Variants in ARID2 observed in about 807,000 individuals in gnomAD.
ARID2 encodes the protein AT-rich interactive domain-containing protein 2.
A neutral mutation model predicts 184.6 loss-of-function variants in ARID2; 32 were observed. The ratio of observed to expected loss-of-function variants is 0.17; its 90% CI spans 0.13 to 0.23. The LOEUF (loss-of-function observed/expected upper bound fraction) is 0.23. ARID2 is among the 10% of genes least tolerant of loss of function. The pLI, the probability that ARID2 is intolerant of heterozygous loss-of-function variation, is 1.00. For missense variants in ARID2, 1,696 were observed against 2,197.6 expected (o/e 0.77, Z 4.56); for synonymous variants, 836 against 772.6 (o/e 1.08, Z -1.36).
At chr12:45,815,797 G>T (rs1942794406) in intron 4 of ARID2, among the ~76,000 whole-genome samples, 1 of 152,056 alleles carries the variant, frequency 6.6e-6, no homozygotes, top group Non-Finnish European at 1.5e-5. Flanking sequence ...AAACAGCTAG[G>T]ATTACAGCAC....
intron 6 of ARID2, among the ~76,000 whole-genome samples, chr12:45,829,499 G>A (rs528609305): frequency 1.3e-5 from 2 of 151,194 alleles, no homozygotes; most frequent in East Asian, 3.9e-4. Flanking sequence ...CTGAGTATGT[G>A]TTTTTTTCAC....
At chr12:45,832,091 A>G (rs1943132965) in intron 6 of ARID2, among the ~76,000 whole-genome samples, 1 of 152,148 alleles carries the variant, frequency 6.6e-6, no homozygotes, top group African/African-American at 2.4e-5. Context: ...CACTTTAGGA[A>G]ATTAATGATG....
At chr12:45,832,897 T>C (rs1943148809) in intron 6 of ARID2, among the ~76,000 whole-genome samples, 1 of 152,202 alleles carries the variant, frequency 6.6e-6, no homozygotes, top group Admixed American at 6.5e-5. Context: ...ACTATACTGC[T>C]ATACCATTTT....
intron 15 of ARID2, among the ~76,000 whole-genome samples, chr12:45,854,222 A>G (rs767693159): frequency 8.5e-5 from 13 of 152,144 alleles, no homozygotes; most frequent in East Asian, 7.7e-4. Context: ...AGAGCCCCCA[A>G]TGATTCTACA....
chr12:45,730,894 T>A (rs1940979581), intron 2 of ARID2, among the ~76,000 whole-genome samples: 1 of 149,778 alleles, frequency 6.7e-6, no homozygotes, highest in Non-Finnish European at 1.5e-5. Context: ...TTTTTTTTTT[T>A]TAGTGTAAAC....
chr12:45,818,655 T>C (rs1168373244), intron 5 of ARID2, among the ~76,000 whole-genome samples: 1 of 152,146 alleles, frequency 6.6e-6, no homozygotes. Context: ...GGAAATTATA[T>C]ATATAGCACA....
At chr12:45,867,675 G>A (rs957902818) in intron 16 of ARID2, among the ~76,000 whole-genome samples, 4 of 151,468 alleles carry the variant, frequency 2.6e-5, no homozygotes, top group Non-Finnish European at 2.9e-5. Flanking sequence ...CCCTGGAGGC[G>A]GAGCTTGCAG....
chr12:45,804,193 C>G (rs1443397685), intron 3 of ARID2, among the ~76,000 whole-genome samples: 1 of 152,116 alleles, frequency 6.6e-6, no homozygotes, highest in African/African-American at 2.4e-5. Flanking sequence ...ATTGGAAATT[C>G]TCTGAATTGC....
chr12:45,891,143 G>A (rs1178740093), intron 16 of ARID2, among the ~76,000 whole-genome samples: 4 of 147,998 alleles, frequency 2.7e-5, no homozygotes, highest in South Asian at 4.3e-4. Context: ...CCAGCCTGGC[G>A]ACAGAGCGAG....
rs2138166792 is a variant in ARID2 at position 45,850,988 on chromosome 12, A to G, written c.2865A>G (p.Pro955=). 6.2e-7 allele frequency: 1 copy of G among 1,614,178 alleles called. No individual in the cohort carries two copies. The highest frequency in any genetic ancestry group is 8.5e-7 in the Non-Finnish European group (1 of 1,180,018). Reference sequence around the variant, plus strand: ...TTCTTGCTAATCCAGCAGCTCTTCCAGCTGGTCAGACAGTTCAGCTAACTG... The same window carrying G: ...TTCTTGCTAATCCAGCAGCTCTTCCGGCTGGTCAGACAGTTCAGCTAACTG... The part of the protein sequence containing the change: ...QIVLANPAAL[P]AGQTVQLTGQ... The change falls in exon 15 of 21, where the codon CCA becomes CCG. Residue 955 remains proline, a synonymous_variant. Coordinates refer to ENST00000334344, the MANE Select transcript of ARID2 (RefSeq NM_152641.4).
At chr12:45,846,761 C>T in intron 11 of ARID2, 95 bp from the exon 12 acceptor site, 1 of 1,055,990 alleles carries the variant, frequency 9.5e-7, no homozygotes, top group East Asian at 2.4e-5. Flanking sequence ...AAAAGGTATT[C>T]ATTGTGTTAA....
At chr12:45,903,530 T>C (rs764048577) in intron 20 of ARID2, among the ~76,000 whole-genome samples, 5 of 152,122 alleles carry the variant, frequency 3.3e-5, no homozygotes, top group Non-Finnish European at 7.4e-5. Context: ...CTCTTTTGAG[T>C]GTGTGATGGT....
intron 4 of ARID2, among the ~76,000 whole-genome samples, chr12:45,816,226 A>C (rs543964174): frequency 3.3e-5 from 5 of 152,220 alleles, no homozygotes; most frequent in Non-Finnish European, 7.3e-5. Flanking sequence ...TCTCCTGTGG[A>C]AAATCTTAGT....
At position 45,729,944 on chromosome 12, in the gene ARID2, G is replaced by T. The variant is rs751090831; in HGVS notation, c.92+16G>T. ...ACAGCAGAGGGTGAGAGCAGAACCG[G>T]GGGGGCAGCGCCGGGGCGAGCCGGG... On this transcript the variant is annotated intron_variant, in intron 1 of 20. Coordinates refer to ENST00000334344, the MANE Select transcript of ARID2 (RefSeq NM_152641.4). 8 of 1,605,182 alleles carry T rather than the reference G, an allele frequency of 5.0e-6. No homozygotes were observed. Among genetic ancestry groups the T allele is most frequent in the Admixed American group, 3.4e-5 (2 of 58,818 alleles).
chr12:45,798,836 A>T (rs1337153433), intron 3 of ARID2, among the ~76,000 whole-genome samples: 1 of 152,050 alleles, frequency 6.6e-6, no homozygotes, highest in Non-Finnish European at 1.5e-5. Flanking sequence ...CTCATAAGTT[A>T]CTTCTTCCAT....
chr12:45,754,380 C>CT (rs1011461837), intron 3 of ARID2, among the ~76,000 whole-genome samples: 9 of 152,266 alleles, frequency 5.9e-5, no homozygotes, highest in African/African-American at 1.9e-4. Flanking sequence ...GATACTATGT[C>CT]TTTTTTTCTG....
chr12:45,760,908 C>CTGGA (rs1161071895), intron 3 of ARID2, among the ~76,000 whole-genome samples: 1 of 151,870 alleles, frequency 6.6e-6, no homozygotes, highest in African/African-American at 2.4e-5. Context: ...GTTGCCTGGG[C>CTGGA]TGGAGTGCAG....
chr12:45,782,224 A>C (rs918677880), intron 3 of ARID2, among the ~76,000 whole-genome samples: 39 of 152,228 alleles, frequency 2.6e-4, no homozygotes, highest in African/African-American at 9.2e-4. Context: ...CTAGAAACAA[A>C]GTAGAAAACA....
chr12:45,747,427 G>C (rs888850196), intron 3 of ARID2, among the ~76,000 whole-genome samples: 11 of 151,958 alleles, frequency 7.2e-5, no homozygotes, highest in African/African-American at 2.7e-4. Context: ...GTGAGTTATA[G>C]TGTACTGCTC....
Sources: gnomAD v4.1 joint callset for allele counts (sites outside exome capture counted in the v4.1 genomes callset) on GRCh38, gnomAD v4.1.1 for gene constraint, MANE v1.5 for transcripts, NCBI Gene and HGNC (gene_info 2026-07-23, HGNC 2026-07-21) for gene names.